The following NUDC variants were observed in gnomAD, a reference collection of about 807,000 sequenced individuals.
NUDC encodes the protein nuclear distribution C, dynein complex regulator, also known as nuclear migration protein nudC.
A neutral mutation model predicts 45.0 loss-of-function variants in NUDC; 14 were observed. The ratio of observed to expected loss-of-function variants is 0.31; its 90% CI spans 0.21 to 0.49. The LOEUF (loss-of-function observed/expected upper bound fraction) is 0.49, where lower values mean the gene tolerates loss of function less well. NUDC is among the 20% of genes least tolerant of loss of function. The pLI is 0.99. For missense variants in NUDC, 323 were observed against 426.2 expected, an observed-to-expected ratio of 0.76 and a Z score of 2.13; for synonymous variants, 153 against 156.7, an observed-to-expected ratio of 0.98 and a Z score of 0.17.
intron 2 of NUDC, among the ~76,000 whole-genome samples, chr1:26,906,709 C>T (rs1017373450): frequency 2.0e-5 from 3 of 150,558 alleles, no homozygotes; most frequent in African/African-American, 7.4e-5. Context: ...ATTGGCCGGG[C>T]GTGGTGGCGG....
chr1:26,933,275 TG>T lies in NUDC; in HGVS notation c.160-8179del, dbSNP rs372671933. ...ATCTATTCTTCTGCTGATGGACTTT[TG>T]GGTTGCTTTCACCCCTTGGTTATTG... is the stretch of plus-strand genomic sequence containing the variant. On this transcript the variant is annotated intron_variant, in intron 2 of 8. Transcript: ENST00000321265. 1.2e-4 allele frequency among the ~76,000 whole-genome samples: 18 copies of T among 152,100 alleles called. No homozygotes were observed. The East Asian group carries it at 3.5e-3, about 29-fold the overall frequency.
At position 26,926,579 on chromosome 1, in the gene NUDC, T is replaced by C. The variant is rs563283365; in HGVS notation, c.159+2413T>C. On this transcript the variant is annotated intron_variant, in intron 2 of 8. Transcript: ENST00000321265. ...AAGCACTTTTAGTTTTTATAGCTTT[T>C]GGGACTAGTCATTTATTTTTTCTTT... Among the ~76,000 whole-genome samples the C allele has an allele frequency of 6.1e-4, 93 of 152,296 alleles. 1 individual carries two copies. In the South Asian group the frequency reaches 0.015, roughly 24 times the overall value.
chr1:26,906,565 G>A (rs1001878329), intron 2 of NUDC, among the ~76,000 whole-genome samples: 3 of 151,640 alleles, frequency 2.0e-5, no homozygotes, highest in African/African-American at 4.9e-5. Context: ...TAAATGTTAC[G>A]TGGGCCGGGC....
At chr1:26,907,536 A>G (rs2082007650) in intron 2 of NUDC, among the ~76,000 whole-genome samples, 1 of 151,532 alleles carries the variant, frequency 6.6e-6, no homozygotes, top group African/African-American at 2.5e-5. Flanking sequence ...TTTTGCCAGC[A>G]TCACGGGTTC....
intron 2 of NUDC, among the ~76,000 whole-genome samples, chr1:26,926,899 T>G (rs950142881): frequency 1.3e-5 from 2 of 152,152 alleles, no homozygotes; most frequent in African/African-American, 2.4e-5. Flanking sequence ...GCACCCGGCC[T>G]ACTTTTTTCA....
intron 3 of NUDC, chr1:26,911,600 G>T (rs901812335): frequency 7.3e-6 from 4 of 544,806 alleles, no homozygotes; most frequent in African/African-American, 5.7e-5. Context: ...TCCCAAGAAG[G>T]GACAGGAGTC....
upstream of NUDC, among the ~76,000 whole-genome samples, chr1:26,917,314 C>A (rs2082066832): frequency 6.6e-6 from 1 of 151,940 alleles, no homozygotes; most frequent in Non-Finnish European, 1.5e-5. Flanking sequence ...GTAATCCCAG[C>A]ACTTTGGGAG....
rs778703597 is a variant in NUDC, at chr1:26,943,042, G to A, written c.718G>A (p.Val240Met). Residue 240 changes from valine (V) to methionine (M), a missense_variant, in exon 6 of 9, where the codon GTG becomes ATG. By Grantham distance (21) the Val-to-Met change is conservative. This residue lies in a region of NUDC where 245 missense variants were observed against 278.8 expected (regional missense o/e 0.88). Coordinates refer to ENST00000321265, the MANE Select transcript of NUDC (RefSeq NM_006600.4). ...CTCGTGGCTCATTGAGGACGGCAAG[G>A]TGGTGACTGTGCATCTGGAGAAGGT... is the stretch of plus-strand genomic sequence containing the variant. ...ESSWLIEDGK[V>M]VTVHLEKINK... 3 of 1,614,156 alleles carry A rather than the reference G, an allele frequency of 1.9e-6. No homozygotes were observed. Among genetic ancestry groups the A allele is most frequent in the African/African-American group, 1.3e-5 (1 of 75,042 alleles).
chr1:26,908,453 G>A (rs72651562), intron 2 of NUDC, among the ~76,000 whole-genome samples: 6,166 of 152,326 alleles, frequency 0.04, 181 homozygotes, highest in South Asian at 0.14. Flanking sequence ...AATAGGGCAC[G>A]GGGAATGACT....
At chr1:26,918,391 A>T (rs1304118550), upstream of NUDC, among the ~76,000 whole-genome samples, 5 of 148,364 alleles carry the variant, frequency 3.4e-5, no homozygotes, top group Admixed American at 6.9e-5. Flanking sequence ...CTCCTGCCTC[A>T]GCCTCCTGAG....
chr1:26,933,302 T>C (rs1435818140), intron 2 of NUDC, among the ~76,000 whole-genome samples: 5 of 152,130 alleles, frequency 3.3e-5, no homozygotes, highest in Non-Finnish European at 7.4e-5. Context: ...TTGGTTATTG[T>C]GCATAGTACT....
chr1:26,923,036 G>T (rs1015653848), intron 1 of NUDC, among the ~76,000 whole-genome samples: 1 of 152,166 alleles, frequency 6.6e-6, no homozygotes, highest in Non-Finnish European at 1.5e-5. Flanking sequence ...CCACTCTTGG[G>T]CAAATAAAGG....
intron 3 of NUDC, chr1:26,912,223 T>C: frequency 3.3e-6 from 3 of 909,240 alleles, no homozygotes; most frequent in South Asian, 1.7e-5. Flanking sequence ...CACTACTACC[T>C]CCTCCTTTAG....
intron 2 of NUDC, among the ~76,000 whole-genome samples, chr1:26,906,677 G>T (rs909863743): frequency 6.6e-6 from 1 of 150,452 alleles, no homozygotes; most frequent in African/African-American, 2.4e-5. Context: ...GTGAAACCCT[G>T]TCTCTACTAA....
chr1:26,912,106 A>G (rs757000078), intron 3 of NUDC: 2 of 1,612,460 alleles, frequency 1.2e-6, no homozygotes, highest in African/African-American at 1.3e-5. Flanking sequence ...GAGAGGGAGA[A>G]GAGGGCTGGT....
chr1:26,923,357 C>T (rs2082106312), intron 1 of NUDC, among the ~76,000 whole-genome samples: 1 of 152,158 alleles, frequency 6.6e-6, no homozygotes, highest in African/African-American at 2.4e-5. Flanking sequence ...AATATATGTC[C>T]ATCTGATACT....
At position 26,913,684 on chromosome 1, in the gene NUDC, C is replaced by T. The variant is rs370959977; in HGVS notation, c.93+2449C>T. On this transcript the variant is annotated intron_variant, in intron 3 of 6. Coordinates refer to the NUDC transcript ENST00000435827. Reference sequence around the variant, plus strand: ...GGGGCCCCAGCAACCCTGCAGCAGCCGCCGCTGGTCCTGGGGAGGCAGCTG... The same window carrying T: ...GGGGCCCCAGCAACCCTGCAGCAGCTGCCGCTGGTCCTGGGGAGGCAGCTG... 22 of 1,612,838 alleles carry T rather than the reference C, an allele frequency of 1.4e-5. No individual in the cohort carries two copies. Among genetic ancestry groups the T allele is most frequent in the South Asian group, 7.7e-5 (7 of 91,048 alleles).
chr1:26,900,757 C>T (rs1188879905), intron 1 of NUDC, among the ~76,000 whole-genome samples: 1 of 152,172 alleles, frequency 6.6e-6, no homozygotes, highest in Non-Finnish European at 1.5e-5. Context: ...CTAATCTCAA[C>T]CTTCCTCAGT....
intron 2 of NUDC, among the ~76,000 whole-genome samples, chr1:26,903,780 G>A (rs865841271): frequency 6.6e-5 from 10 of 151,964 alleles, no homozygotes; most frequent in South Asian, 2.1e-4. Flanking sequence ...GGAGGCCGAG[G>A]TGGGCGGATC....
Sources: gnomAD v4.1 joint callset for allele counts (sites outside exome capture counted in the v4.1 genomes callset) on GRCh38, gnomAD v4.1.1 for gene constraint, gnomAD v4.1.1 regional missense constraint, MANE v1.5 for transcripts, NCBI Gene and HGNC (gene_info 2026-07-23, HGNC 2026-07-21) for gene names.